Variants in YEATS2 observed in about 807,000 individuals in gnomAD.
YEATS2 encodes the protein YEATS domain-containing protein 2.
A neutral mutation model predicts 163.2 loss-of-function variants in YEATS2; 77 were observed. That is an observed-to-expected ratio of 0.47 (90% CI 0.39 to 0.57). YEATS2 has a LOEUF of 0.57. Among genes scored for constraint, YEATS2 ranks in the 20% least tolerant of loss-of-function variants. The probability of loss-of-function intolerance (pLI) is 0.00; values close to 1 mark genes in which losing one functional copy is unlikely to be tolerated. For missense variants in YEATS2, 1,549 were observed against 1,729.8 expected (o/e 0.90, Z 1.85); for synonymous variants, 631 against 645.1 (o/e 0.98, Z 0.33).
At chr3:183,761,870 T>C (rs1441198383) in intron 14 of YEATS2, among the ~76,000 whole-genome samples, 2 of 152,214 alleles carry the variant, frequency 1.3e-5, no homozygotes, top group Non-Finnish European at 2.9e-5. Flanking sequence ...ACTGTGTTAT[T>C]ACAGGAGCAC....
At chr3:183,796,110 G>A (rs992780091) in intron 21 of YEATS2, among the ~76,000 whole-genome samples, 6 of 145,944 alleles carry the variant, frequency 4.1e-5, no homozygotes, top group South Asian at 2.2e-4. Flanking sequence ...AGCCTCCCAA[G>A]TAGCTTGAAT....
intron 15 of YEATS2, among the ~76,000 whole-genome samples, chr3:183,769,676 A>C (rs1340881006): frequency 5.3e-5 from 8 of 152,122 alleles, no homozygotes; most frequent in African/African-American, 1.9e-4. Context: ...ATAATATTTG[A>C]TTAAGGGACT....
chr3:183,772,193 G>T, intron 15 of YEATS2, 112 bp from the exon 16 acceptor site: 1 of 1,469,856 alleles, frequency 6.8e-7, no homozygotes, highest in Non-Finnish European at 9.3e-7. Flanking sequence ...CTAGATGACT[G>T]AATTAGGCTG....
chr3:183,706,748 G>A (rs1379027735), intron 1 of YEATS2, among the ~76,000 whole-genome samples: 9 of 152,150 alleles, frequency 5.9e-5, no homozygotes, highest in Non-Finnish European at 1.2e-4. Flanking sequence ...CCCGGGAGGC[G>A]GAGGTTGCCG....
chr3:183,770,310 T>G lies in YEATS2; in HGVS notation c.1948-1995T>G, dbSNP rs950167140. Among the ~76,000 whole-genome samples, 75 of 151,660 alleles carry G rather than the reference T, an allele frequency of 4.9e-4. 1 individual carries two copies. Among genetic ancestry groups the G allele is most frequent in the African/African-American group, 1.7e-3 (72 of 41,384 alleles). Reference sequence around the variant, plus strand: ...GAGGCAGGAGAATGGCATGAACCCGTGAGGCGGAGGTTGCAGTGAGCCGAG... The same window carrying G: ...GAGGCAGGAGAATGGCATGAACCCGGGAGGCGGAGGTTGCAGTGAGCCGAG... On this transcript the variant is annotated intron_variant, in intron 15 of 30. Transcript: ENST00000305135.
At chr3:183,766,344 C>G (rs907776372) in intron 15 of YEATS2, among the ~76,000 whole-genome samples, 2 of 152,174 alleles carry the variant, frequency 1.3e-5, no homozygotes, top group Non-Finnish European at 2.9e-5. Flanking sequence ...ATATCCATGC[C>G]TAAGTACCAT....
chr3:183,721,807 G>C, intron 4 of YEATS2, 84 bp from the exon 5 acceptor site: 1 of 1,526,250 alleles, frequency 6.6e-7, no homozygotes, highest in Non-Finnish European at 8.9e-7. Flanking sequence ...TCCTGTAATA[G>C]ATAAGGTTTT....
chr3:183,790,897 G>A lies in YEATS2; in HGVS notation c.3014G>A (p.Cys1005Tyr). 6.2e-7 allele frequency: 1 copy of A among 1,614,136 alleles called. No individual in the cohort carries two copies. The highest frequency in any genetic ancestry group is 8.5e-7 in the Non-Finnish European group (1 of 1,180,022). ...GTGAGCCAGGCCACCGTGGGAACCT[G>A]CAAGGCTGCCACCCCCACCGTCGTC... ...VCVSQATVGTCKAATPTVVSA... is the reference protein window; with the variant it reads ...VCVSQATVGTYKAATPTVVSA... Residue 1005 changes from cysteine (C) to tyrosine (Y), a missense_variant, in exon 21 of 31, where the codon TGC (cysteine) becomes TAC (tyrosine). Physicochemically the swap from Cys to Tyr is radical, Grantham distance 194. Coordinates refer to ENST00000305135, the MANE Select transcript of YEATS2 (RefSeq NM_018023.5).
At chr3:183,746,903 C>G (rs377533570) in intron 8 of YEATS2, among the ~76,000 whole-genome samples, 10 of 151,884 alleles carry the variant, frequency 6.6e-5, no homozygotes, top group East Asian at 3.9e-4. Flanking sequence ...TCATTTTTTC[C>G]CTCTCTTTTT....
At chr3:183,793,269 C>G (rs1299979456) in intron 21 of YEATS2, 1 of 1,174,946 alleles carries the variant, frequency 8.5e-7, no homozygotes, top group Non-Finnish European at 1.1e-6. Flanking sequence ...ATTATTACTT[C>G]ATTCATATGT....
In YEATS2 at chr3:183,798,026, G is replaced by A; in HGVS notation, c.3201G>A (p.Gln1067=). The A allele has an allele frequency of 1.2e-6, 2 of 1,614,102 alleles. No individual in the cohort carries two copies. The highest frequency in any genetic ancestry group is 8.5e-7 in the Non-Finnish European group (1 of 1,179,964). ...PLSVNTSGGV[Q]TILMPVNKVV... ...GCGTAAACACATCTGGAGGGGTGCA[G>A]ACGATCCTGATGCCTGTGAATAAAG... The change falls in exon 22 of 31, where the codon CAG becomes CAA. Residue 1067 remains glutamine (Q), a synonymous_variant. Transcript: ENST00000305135.
chr3:183,808,261 TC>T lies in YEATS2; in HGVS notation c.4086+159del, dbSNP rs1726429457. The T allele has an allele frequency of 8.0e-6, 5 of 626,134 alleles. No individual in the cohort carries two copies. The South Asian group carries it at 1.1e-4, about 13-fold the overall frequency. The allele number at this position is 626,134 out of a possible 1,614,324, so 38.8% of individuals were successfully genotyped here. A position where few individuals can be genotyped will look rare whatever the true frequency, so the allele number is the denominator to read the frequency against. On this transcript the variant is annotated intron_variant, in intron 29 of 30. Transcript: ENST00000305135. ...TCTCTTTTTGTTTTTTTGTTTTTTT[TC>T]CTTCTGATTTTTAAATGGACTAAGT...
intron 23 of YEATS2, among the ~76,000 whole-genome samples, chr3:183,799,230 TA>T (rs1725439281): frequency 6.6e-6 from 1 of 152,238 alleles, no homozygotes; most frequent in Admixed American, 6.5e-5. Flanking sequence ...CAGTAATTTA[TA>T]ATCAGGTTGA....
rs142872171 is a variant in YEATS2 at position 183,752,124 on chromosome 3, C to T, written c.1021C>T (p.Pro341Ser). 67 of 1,614,124 alleles carry T rather than the reference C, an allele frequency of 4.2e-5. No homozygotes were observed. In the African/African-American group the frequency reaches 8.0e-4, roughly 19 times the overall value. ...TTCTCTCGGAGAAGACTGTATCTATCCTCAGTCCTCGGAGTCTGACATCTC... is the reference window on the plus strand; with the variant it reads ...TTCTCTCGGAGAAGACTGTATCTATTCTCAGTCCTCGGAGTCTGACATCTC... ...RHSLGEDCIY[P>S]QSSESDISDA... Residue 341 changes from proline (P) to serine (S), a missense_variant, in exon 10 of 31, where the codon CCT (proline) becomes TCT (serine). Pro to Ser is a moderately conservative substitution (Grantham distance 74). Transcript: ENST00000305135.
intron 1 of YEATS2, among the ~76,000 whole-genome samples, chr3:183,708,057 G>A (rs1468049999): frequency 6.6e-6 from 1 of 151,904 alleles, no homozygotes; most frequent in Non-Finnish European, 1.5e-5. Context: ...CAAATGATGT[G>A]AGGCACATAG....
rs1553882040 is a variant in YEATS2, at chr3:183,793,492, A to ATCCTTC, written c.3097+2512_3097+2513insTCCTTC. 5.0e-5 allele frequency: 48 copies of ATCCTTC among 963,832 alleles called. No homozygotes were observed. The African/African-American group carries it at 7.9e-4, about 16-fold the overall frequency. The allele number at this position is 963,832 out of a possible 1,614,324, so 59.7% of individuals were successfully genotyped here. Reference sequence around the variant, plus strand: ...AAAAGGAATTATTATAATAATGAATACCTTGTCTGTTTTCTGATCATGTTT... The same window carrying ATCCTTC: ...AAAAGGAATTATTATAATAATGAATATCCTTCCCTTGTCTGTTTTCTGATCATGTTT... On this transcript the variant is annotated intron_variant, in intron 21 of 30. Coordinates refer to ENST00000305135, the MANE Select transcript of YEATS2 (RefSeq NM_018023.5).
At chr3:183,806,075 G>T (rs552882499) in intron 27 of YEATS2, 164 of 351,704 alleles carry the variant, frequency 4.7e-4, no homozygotes, top group African/African-American at 3.2e-3. Flanking sequence ...GTGATTTGAT[G>T]TTGTGACTTT....
At chr3:183,781,115 TATATAG>T (rs1204570302) in intron 19 of YEATS2, among the ~76,000 whole-genome samples, 2 of 152,118 alleles carry the variant, frequency 1.3e-5, no homozygotes, top group Non-Finnish European at 2.9e-5. Context: ...AAATATAATA[TATATAG>T]ATATTAAGAG....
At chr3:183,698,133 C>G (rs1050895282) in intron 1 of YEATS2, 140 bp downstream of exon 1, 18 of 151,940 alleles carry the variant, frequency 1.2e-4, no homozygotes, top group African/African-American at 4.4e-4. Context: ...CCGGTGAGGC[C>G]CCGGGGCCGA....
Sources: gnomAD v4.1 joint callset for allele counts (sites outside exome capture counted in the v4.1 genomes callset) on GRCh38, gnomAD v4.1.1 for gene constraint, MANE v1.5 for transcripts, NCBI Gene and HGNC (gene_info 2026-07-23, HGNC 2026-07-21) for gene names.